Variants in RPS6KC1 observed in about 807,000 individuals in gnomAD.
RPS6KC1 encodes the protein inactive ribosomal protein S6 kinase delta-1.
In RPS6KC1, 54 loss-of-function variants were observed where a neutral mutation model predicts 103.8. That is an observed-to-expected ratio of 0.52 (90% CI 0.42 to 0.65). The LOEUF is 0.65. Ranked by LOEUF, RPS6KC1 falls within the 30% of genes least tolerant of loss-of-function variation. The pLI is 0.00. For synonymous variants in RPS6KC1, 439 were observed against 438.7 expected (o/e 1.00, Z -0.01); for missense variants, 1,151 against 1,253.8 (o/e 0.92, Z 1.24).
the RPS6KC1 span, among the ~76,000 whole-genome samples, chr1:213,805,078 A>G: frequency 6.6e-6 from 1 of 152,224 alleles, no homozygotes. Context: ...CTTAATTTAA[A>G]ATATTTTCTT....
At chr1:213,332,175 A>T in the RPS6KC1 span, among the ~76,000 whole-genome samples, 1 of 152,228 alleles carries the variant, frequency 6.6e-6, no homozygotes. Context: ...ACTGAAATGT[A>T]GTAAATTTCA....
At chr1:213,198,190 A>C (rs1277934300) in intron 8 of RPS6KC1, among the ~76,000 whole-genome samples, 1 of 152,086 alleles carries the variant, frequency 6.6e-6, no homozygotes, top group Non-Finnish European at 1.5e-5. Context: ...AAAATACTTT[A>C]TCTCTCCTTC....
chr1:213,528,323 A>G, the RPS6KC1 span, among the ~76,000 whole-genome samples: 1 of 152,196 alleles, frequency 6.6e-6, no homozygotes, highest in Non-Finnish European at 1.5e-5. Context: ...TTATAAAACC[A>G]TCAGATCTTG....
rs1422931963 is a variant in RPS6KC1, at chr1:213,240,720, A to G, written c.1244A>G (p.Tyr415Cys). 2 of 1,611,538 alleles carry G rather than the reference A, an allele frequency of 1.2e-6. No homozygotes were observed. Among genetic ancestry groups the G allele is most frequent in the Non-Finnish European group, 1.7e-6 (2 of 1,178,778 alleles). The change falls in exon 11 of 15, where the codon TAT becomes TGT. Residue 415 changes from tyrosine to cysteine, a missense_variant. Physicochemically the swap from Tyr to Cys is radical, Grantham distance 194. This residue lies in a region of RPS6KC1 where 959 missense variants were observed against 1,006.3 expected (regional missense o/e 0.95). Transcript: ENST00000366960. ...QHAEGGKLWS[Y>C]ISKFLNRSPE... The stretch of plus-strand genomic sequence containing the variant: ...TTCACAGGTGGCAAACTGTGGTCAT[A>G]TATCAGTAAATTTCTAAACAGAAGT...
At chr1:213,284,623 G>T in the RPS6KC1 span, among the ~76,000 whole-genome samples, 1 of 79,082 alleles carries the variant, frequency 1.3e-5, no homozygotes, top group South Asian at 5.8e-4. Context: ...AAAAGAAAGT[G>T]CCAGATATTG....
In RPS6KC1 at chr1:213,141,085, C is replaced by T. The variant is rs962450913; in HGVS notation, c.835+11196C>T. The stretch of plus-strand genomic sequence containing the variant: ...CTAATTTTTGTATTTTTAGTAGAGA[C>T]GGGGTTTCATCATGTTGGCCAGGCT... On this transcript the variant is annotated intron_variant, in intron 6 of 14. Coordinates refer to ENST00000366960, the MANE Select transcript of RPS6KC1 (RefSeq NM_012424.6). 5.9e-5 allele frequency among the ~76,000 whole-genome samples: 9 copies of T among 151,884 alleles called. No homozygotes were observed. The South Asian group carries it at 1.7e-3, about 28-fold the overall frequency.
At chr1:213,752,035 C>A in the RPS6KC1 span, among the ~76,000 whole-genome samples, 4 of 152,074 alleles carry the variant, frequency 2.6e-5, no homozygotes, top group Admixed American at 6.6e-5. Context: ...TATATCTAAC[C>A]CTTTGGGTTA....
intron 2 of RPS6KC1, chr1:213,072,890 A>G (rs565120632): frequency 2.1e-6 from 2 of 973,442 alleles, no homozygotes; most frequent in African/African-American, 1.8e-5. Flanking sequence ...GAACCAACCT[A>G]TCCATGAACA....
the RPS6KC1 span, among the ~76,000 whole-genome samples, chr1:213,638,958 A>G: frequency 6.6e-6 from 1 of 152,044 alleles, no homozygotes; most frequent in Non-Finnish European, 1.5e-5. Context: ...CAATATCTTT[A>G]GTATGCTGAG....
At chr1:213,384,598 A>T in the RPS6KC1 span, among the ~76,000 whole-genome samples, 1 of 152,076 alleles carries the variant, frequency 6.6e-6, no homozygotes. Flanking sequence ...ATGGTGATTT[A>T]TCGAAGGCCG....
chr1:213,325,709 T>C, the RPS6KC1 span, among the ~76,000 whole-genome samples: 3 of 152,142 alleles, frequency 2.0e-5, no homozygotes, highest in African/African-American at 7.2e-5. Flanking sequence ...GCAGGTCCCC[T>C]CCCTATTGGA....
In RPS6KC1 at chr1:213,272,953, A is replaced by G. The variant is rs922330448; in HGVS notation, c.*319A>G. 5.0e-6 allele frequency: 1 copy of G among 199,176 alleles called. No individual in the cohort carries two copies. Among genetic ancestry groups the G allele is most frequent in the Admixed American group, 5.2e-5 (1 of 19,156 alleles). The allele number at this position is 199,176 out of a possible 1,614,324, so 12.3% of individuals were successfully genotyped here. On this transcript the variant is annotated 3_prime_UTR_variant, in exon 15 of 15. Coordinates refer to ENST00000366960, the MANE Select transcript of RPS6KC1 (RefSeq NM_012424.6). ...CAAGAAGTTCCTCTGATAGGAAGCT[A>G]GAAGTGTAGAATGAAGTTTTACTTG...
chr1:213,363,753 T>C, the RPS6KC1 span, among the ~76,000 whole-genome samples: 189 of 55,098 alleles, frequency 3.4e-3, 8 homozygotes, highest in Middle Eastern at 0.01. Context: ...TTCTTTCTCT[T>C]TCTCTCTTCT....
chr1:213,674,520 A>T, the RPS6KC1 span, among the ~76,000 whole-genome samples: 2 of 152,120 alleles, frequency 1.3e-5, no homozygotes, highest in Non-Finnish European at 2.9e-5. Context: ...TATACACCAC[A>T]TTTTCTTATC....
intron 4 of RPS6KC1, among the ~76,000 whole-genome samples, chr1:213,111,818 T>TA (rs1472070755): frequency 6.6e-6 from 1 of 152,212 alleles, no homozygotes; most frequent in Non-Finnish European, 1.5e-5. Context: ...TTCTCTAGAA[T>TA]ACTTGGAAAT....
chr1:213,529,249 C>G, the RPS6KC1 span, among the ~76,000 whole-genome samples: 1 of 151,952 alleles, frequency 6.6e-6, no homozygotes, highest in Admixed American at 6.6e-5. Flanking sequence ...GCTAACCAGG[C>G]AAAGAAGGAA....
the RPS6KC1 span, among the ~76,000 whole-genome samples, chr1:213,807,099 A>G: frequency 6.6e-6 from 1 of 152,338 alleles, no homozygotes; most frequent in East Asian, 1.9e-4. Context: ...AGAATGTTGA[A>G]TATTGGCCCC....
the RPS6KC1 span, among the ~76,000 whole-genome samples, chr1:213,384,723 G>T: frequency 2.6e-5 from 4 of 152,130 alleles, no homozygotes; most frequent in African/African-American, 9.7e-5. Flanking sequence ...AATGCCTTGG[G>T]TTTCAAATGA....
chr1:213,718,912 C>T, the RPS6KC1 span, among the ~76,000 whole-genome samples: 1 of 152,202 alleles, frequency 6.6e-6, no homozygotes. Context: ...GCGTTGACTG[C>T]ACTTTGAGTG....
Sources: gnomAD v4.1 joint callset for allele counts (sites outside exome capture counted in the v4.1 genomes callset) on GRCh38, gnomAD v4.1.1 for gene constraint, gnomAD v4.1.1 regional missense constraint, MANE v1.5 for transcripts, NCBI Gene and HGNC (gene_info 2026-07-23, HGNC 2026-07-21) for gene names.